Variants in APPL1 observed in about 807,000 individuals in gnomAD.
APPL1 encodes DCC-interacting protein 13-alpha.
A neutral mutation model predicts 106.8 loss-of-function variants in APPL1; 42 were observed. The observed-to-expected ratio is 0.39, with a 90% confidence interval of 0.31 to 0.51. APPL1 has a LOEUF of 0.51. Ranked by LOEUF, APPL1 falls within the 20% of genes least tolerant of loss-of-function variation. APPL1 has a pLI of 0.75. For synonymous variants in APPL1, 263 were observed against 281.8 expected, an observed-to-expected ratio of 0.93 and a Z score of 0.67; for missense variants, 769 against 858.2, an observed-to-expected ratio of 0.90 and a Z score of 1.30.
At position 57,228,815 on chromosome 3, in the gene APPL1, G is replaced by T. The variant is rs982877270; in HGVS notation, c.54+878G>T. ...TTACACGATAATTTAAACGGTTTAA[G>T]ACGGTGTTGCTGGTTGGACACTATT... is the stretch of plus-strand genomic sequence containing the variant. On this transcript the variant is annotated intron_variant, in intron 1 of 21. Coordinates refer to ENST00000288266, the MANE Select transcript of APPL1 (RefSeq NM_012096.3). The surrounding 1 kb of genome is among the most constrained non-coding windows in gnomAD (Gnocchi z 4.6). Among the ~76,000 whole-genome samples the T allele has an allele frequency of 4.6e-5, 7 of 152,250 alleles. No homozygotes were observed. Among genetic ancestry groups the T allele is most frequent in the African/African-American group, 1.7e-4 (7 of 41,468 alleles).
chr3:57,265,896 A>C (rs951675543), intron 19 of APPL1, among the ~76,000 whole-genome samples: 1 of 152,158 alleles, frequency 6.6e-6, no homozygotes, highest in Non-Finnish European at 1.5e-5. Flanking sequence ...GAGGGTTTTT[A>C]ATCATGAAGG....
rs1017422954 is a variant in APPL1, at chr3:57,228,971, A to G, written c.54+1034A>G. On this transcript the variant is annotated intron_variant, in intron 1 of 21. Transcript: ENST00000288266. The surrounding 1 kb of genome is among the most constrained non-coding windows in gnomAD (Gnocchi z 4.6). ...TCTAGATCTCCTTTTCCTGGATGGC[A>G]CTTCTGCCATGGATTTTGTGCCAAT... Among the ~76,000 whole-genome samples, 7 of 152,232 alleles carry G rather than the reference A, an allele frequency of 4.6e-5. No individual in the cohort carries two copies. The highest frequency in any genetic ancestry group is 1.7e-4 in the African/African-American group (7 of 41,474).
intron 11 of APPL1, among the ~76,000 whole-genome samples, chr3:57,250,945 C>T (rs2060800881): frequency 6.7e-6 from 1 of 149,272 alleles, no homozygotes; most frequent in African/African-American, 2.4e-5. Context: ...GTAGCTGGGA[C>T]TACAGGCGCC....
intron 1 of APPL1, chr3:57,230,831 A>G (rs2107594526): frequency 2.3e-6 from 1 of 435,018 alleles, no homozygotes; most frequent in Non-Finnish European, 4.6e-6. Flanking sequence ...TTGCAGTGGC[A>G]CAGCCATAGC....
rs1448300004 is a variant in APPL1, at chr3:57,273,110, G to A, written c.*3423G>A. 1.3e-5 allele frequency: 2 copies of A among 152,620 alleles called. No homozygotes were observed. The highest frequency in any genetic ancestry group is 4.8e-5 in the African/African-American group (2 of 41,444). 9.5% of individuals were successfully genotyped at this position (152,620 alleles called of 1,614,324 possible). A position where few individuals can be genotyped will look rare whatever the true frequency, so the allele number is the denominator to read the frequency against. ...ATATTATACTTTTTAACCAATCTCT[G>A]TGGCTTCACTCATGAAATTTACTTC... On this transcript the variant is annotated 3_prime_UTR_variant, in exon 22 of 22. Coordinates refer to ENST00000288266, the MANE Select transcript of APPL1 (RefSeq NM_012096.3).
intron 19 of APPL1, among the ~76,000 whole-genome samples, chr3:57,261,791 T>G (rs1383932969): frequency 1.3e-5 from 2 of 152,186 alleles, no homozygotes; most frequent in Non-Finnish European, 2.9e-5. Context: ...GTGCTGGGAT[T>G]ACAGGCGTGA....
intron 21 of APPL1, 128 bp from the exon 22 acceptor site, chr3:57,269,413 C>T: frequency 1.2e-6 from 1 of 866,806 alleles, no homozygotes. Context: ...TTCTTTTTAT[C>T]AAGTTGTCAG....
Position 57,242,925 on chromosome 3 carries a change from T to C in APPL1, c.474+11T>C. Reference sequence around the variant, plus strand: ...AGAGAAAATGACAAGGTGTGGTACATATTTATTCCTTCAGTGTCATAATTA... The same window carrying C: ...AGAGAAAATGACAAGGTGTGGTACACATTTATTCCTTCAGTGTCATAATTA... On this transcript the variant is annotated intron_variant, in intron 7 of 21. Transcript: ENST00000288266. The C allele has an allele frequency of 6.3e-7, 1 of 1,597,916 alleles. No homozygotes were observed. The highest frequency in any genetic ancestry group is 8.6e-7 in the Non-Finnish European group (1 of 1,166,664).
chr3:57,231,655 A>G (rs2107595043), intron 1 of APPL1, among the ~76,000 whole-genome samples: 1 of 151,918 alleles, frequency 6.6e-6, no homozygotes, highest in African/African-American at 2.4e-5. Context: ...TACAAAAAAT[A>G]AAATTAGCTG....
At chr3:57,247,509 A>G in intron 9 of APPL1, 32 bp downstream of exon 9, 1 of 1,321,130 alleles carries the variant, frequency 7.6e-7, no homozygotes, top group South Asian at 1.2e-5. Context: ...ATTGAAAATG[A>G]AATGATGTGA....
chr3:57,229,384 C>G (rs1030287951), intron 1 of APPL1, among the ~76,000 whole-genome samples: 28 of 151,898 alleles, frequency 1.8e-4, no homozygotes, highest in African/African-American at 6.8e-4. Context: ...TGCACACTGC[C>G]CTGGAAATGA....
intron 1 of APPL1, among the ~76,000 whole-genome samples, chr3:57,231,338 C>CAAA (rs71088043): frequency 2.4e-3 from 169 of 71,634 alleles, no homozygotes; most frequent in Admixed American, 4.3e-3. Flanking sequence ...GACTCCGTCT[C>CAAA]AAAAAAAAAA....
intron 7 of APPL1, among the ~76,000 whole-genome samples, chr3:57,244,518 G>A (rs2060763002): frequency 1.3e-5 from 2 of 152,138 alleles, no homozygotes; most frequent in Admixed American, 1.3e-4. Context: ...ACACCAGTTT[G>A]GAATCGGAGA....
chr3:57,256,567 A>G (rs1351457325), intron 13 of APPL1, among the ~76,000 whole-genome samples: 2 of 152,214 alleles, frequency 1.3e-5, no homozygotes, highest in Admixed American at 6.5e-5. Flanking sequence ...CAACAAATGT[A>G]TCGATTGTCC....
intron 1 of APPL1, among the ~76,000 whole-genome samples, chr3:57,233,853 A>G (rs2060702102): frequency 6.6e-6 from 1 of 152,096 alleles, no homozygotes; most frequent in African/African-American, 2.4e-5. Flanking sequence ...AGGCTGAGGT[A>G]GGAGAATTGC....
intron 16 of APPL1, among the ~76,000 whole-genome samples, chr3:57,259,451 G>A (rs992627276): frequency 6.6e-6 from 1 of 151,650 alleles, no homozygotes; most frequent in East Asian, 1.9e-4. Flanking sequence ...ACCACCAGTT[G>A]TTGTGTGTTT....
chr3:57,259,778 C>T (rs758709164), intron 16 of APPL1, 67 bp from the exon 17 acceptor site: 100 of 1,283,694 alleles, frequency 7.8e-5, no homozygotes, highest in Non-Finnish European at 1.0e-4. Context: ...AGAAATATGG[C>T]GAAAAAAATA....
At chr3:57,235,024 A>T (rs948700690) in intron 1 of APPL1, among the ~76,000 whole-genome samples, 1 of 152,188 alleles carries the variant, frequency 6.6e-6, no homozygotes, top group African/African-American at 2.4e-5. Context: ...CAAACAATAT[A>T]GACATGTATA....
chr3:57,252,386 G>T, intron 12 of APPL1, 75 bp downstream of exon 12: 2 of 1,076,972 alleles, frequency 1.9e-6, no homozygotes, highest in East Asian at 2.6e-5. Context: ...ATATTAATGT[G>T]TTCATTGTAG....
Sources: gnomAD v4.1 joint callset for allele counts (sites outside exome capture counted in the v4.1 genomes callset) on GRCh38, gnomAD v4.1.1 for gene constraint, Gnocchi (gnomAD v3.1) non-coding constraint, MANE v1.5 for transcripts, NCBI Gene and HGNC (gene_info 2026-07-23, HGNC 2026-07-21) for gene names.